LINGO2: variants seen among roughly 807,000 people sequenced by gnomAD.
LINGO2 encodes leucine rich repeat and Ig domain containing 2, also known as leucine-rich repeat and immunoglobulin-like domain-containing nogo receptor-interacting protein 2.
In LINGO2, 14 loss-of-function variants were observed where a neutral mutation model predicts 30.6. That is an observed-to-expected ratio of 0.46 (90% CI 0.30 to 0.72). The LOEUF (loss-of-function observed/expected upper bound fraction) is 0.72. Ranked by LOEUF, LINGO2 falls within the 30% of genes least tolerant of loss-of-function variation. The probability of loss-of-function intolerance (pLI) is 0.07; values close to 1 mark genes in which losing one functional copy is unlikely to be tolerated. For missense variants in LINGO2, 729 were observed against 751.7 expected (o/e 0.97, Z 0.35); for synonymous variants, 317 against 288.5 (o/e 1.10, Z -1.00).
At chr9:28,286,694 C>A (rs1823520310) in intron 4 of LINGO2, among the ~76,000 whole-genome samples, 2 of 152,168 alleles carry the variant, frequency 1.3e-5, no homozygotes, top group Admixed American at 1.3e-4. Flanking sequence ...TTATCCTTAG[C>A]AAACTAACAC....
chr9:28,957,793 C>T, the LINGO2 span, among the ~76,000 whole-genome samples: 1 of 152,096 alleles, frequency 6.6e-6, no homozygotes, highest in African/African-American at 2.4e-5. Flanking sequence ...AGTGGGAAAA[C>T]GCATTCATAG....
chr9:29,055,438 T>A, the LINGO2 span, among the ~76,000 whole-genome samples: 1 of 152,216 alleles, frequency 6.6e-6, no homozygotes, highest in Non-Finnish European at 1.5e-5. Context: ...ACATTTTTTG[T>A]AGTCATTTGT....
chr9:29,047,598 C>G, the LINGO2 span, among the ~76,000 whole-genome samples: 1 of 152,000 alleles, frequency 6.6e-6, no homozygotes, highest in African/African-American at 2.4e-5. Context: ...CAATTTCATT[C>G]TAGTACTGGA....
upstream of LINGO2, among the ~76,000 whole-genome samples, chr9:28,674,230 T>C (rs1829135221): frequency 6.6e-6 from 1 of 151,624 alleles, no homozygotes; most frequent in Non-Finnish European, 1.5e-5. Context: ...ATTTATAAAA[T>C]AATAACTGTG....
chr9:29,123,166 C>T, the LINGO2 span, among the ~76,000 whole-genome samples: 4 of 152,106 alleles, frequency 2.6e-5, no homozygotes, highest in South Asian at 8.3e-4. Flanking sequence ...AGACTAAATT[C>T]ATAATTTCTC....
At chr9:27,954,531 T>C (rs1183203504) in intron 5 of LINGO2, among the ~76,000 whole-genome samples, 1 of 152,212 alleles carries the variant, frequency 6.6e-6, no homozygotes, top group East Asian at 1.9e-4. Context: ...CTTTATACTT[T>C]CTTTTTGGTA....
chr9:29,202,775 C>T, the LINGO2 span, among the ~76,000 whole-genome samples: 5 of 151,962 alleles, frequency 3.3e-5, no homozygotes, highest in East Asian at 1.9e-4. Context: ...TTTTAATCTC[C>T]TAATCTCTCT....
At chr9:28,633,237 G>C (rs1827085796) in intron 1 of LINGO2, among the ~76,000 whole-genome samples, 1 of 151,976 alleles carries the variant, frequency 6.6e-6, no homozygotes, top group South Asian at 2.1e-4. Flanking sequence ...TACCCATACA[G>C]ACACACTCAG....
At chr9:28,615,412 A>G (rs1199289884) in intron 1 of LINGO2, among the ~76,000 whole-genome samples, 1 of 152,186 alleles carries the variant, frequency 6.6e-6, no homozygotes, top group African/African-American at 2.4e-5. Context: ...AAGGGCTGCA[A>G]TATAAGCTCC....
intron 1 of LINGO2, among the ~76,000 whole-genome samples, chr9:28,536,316 G>A (rs949419224): frequency 6.6e-6 from 1 of 151,992 alleles, no homozygotes; most frequent in Non-Finnish European, 1.5e-5. Flanking sequence ...ACATTTACTA[G>A]TTAGGGATTT....
intron 1 of LINGO2, among the ~76,000 whole-genome samples, chr9:28,631,155 T>C (rs1302664986): frequency 6.6e-6 from 1 of 151,976 alleles, no homozygotes; most frequent in African/African-American, 2.4e-5. Flanking sequence ...ATCACTTTAT[T>C]TATTTATTTA....
intron 1 of LINGO2, among the ~76,000 whole-genome samples, chr9:28,498,806 C>A (rs1346203108): frequency 6.6e-6 from 1 of 152,004 alleles, no homozygotes; most frequent in African/African-American, 2.4e-5. Context: ...AACCGCCCCC[C>A]TCCTATTTAG....
chr9:28,734,321 A>G, the LINGO2 span, among the ~76,000 whole-genome samples: 1 of 152,300 alleles, frequency 6.6e-6, no homozygotes, highest in East Asian at 1.9e-4. Flanking sequence ...CAGGCGGGAC[A>G]AAGTAGGATG....
chr9:28,734,028 T>C, the LINGO2 span, among the ~76,000 whole-genome samples: 1 of 152,172 alleles, frequency 6.6e-6, no homozygotes, highest in Middle Eastern at 3.2e-3. Context: ...CCTGAAACCA[T>C]GGATAGTACC....
At chr9:28,106,002 G>A (rs1259833926) in intron 4 of LINGO2, among the ~76,000 whole-genome samples, 1 of 152,088 alleles carries the variant, frequency 6.6e-6, no homozygotes, top group Admixed American at 6.6e-5. Context: ...TACCAACAGA[G>A]CTCTGCCTCC....
Position 28,157,235 on chromosome 9 carries a change from C to A in LINGO2, c.-87+137973G>T, listed in dbSNP as rs138676242. Among the ~76,000 whole-genome samples the A allele has an allele frequency of 3.4e-4, 52 of 152,306 alleles. No homozygotes were observed. The East Asian group carries it at 6.0e-3, about 18-fold the overall frequency. On this transcript the variant is annotated intron_variant, in intron 4 of 5. Coordinates refer to ENST00000379992, the Ensembl canonical transcript of LINGO2. The stretch of plus-strand genomic sequence containing the variant: ...GAAAACTAGGCAGAGGTTCCCAAAC[C>A]CCAATTCTTGACTTCTGTGCACCCA...
At chr9:28,123,813 G>A (rs968601816) in intron 4 of LINGO2, among the ~76,000 whole-genome samples, 1 of 151,792 alleles carries the variant, frequency 6.6e-6, no homozygotes, top group East Asian at 2.0e-4. Context: ...ACAGGCACCC[G>A]CCACCACTCC....
chr9:28,406,370 T>A (rs1043226898), intron 2 of LINGO2, among the ~76,000 whole-genome samples: 1 of 151,898 alleles, frequency 6.6e-6, no homozygotes, highest in Non-Finnish European at 1.5e-5. Context: ...GGGGCAGAGG[T>A]TGCAGTGAGC....
chr9:29,092,128 TTAATA>T, the LINGO2 span, among the ~76,000 whole-genome samples: 29 of 152,026 alleles, frequency 1.9e-4, no homozygotes, highest in Non-Finnish European at 3.8e-4. Context: ...GTTGTATTAC[TTAATA>T]TAACATTCCT....
Sources: gnomAD v4.1 joint callset for allele counts (sites outside exome capture counted in the v4.1 genomes callset) on GRCh38, gnomAD v4.1.1 for gene constraint, MANE v1.5 for transcripts, NCBI Gene and HGNC (gene_info 2026-07-23, HGNC 2026-07-21) for gene names.